SUPT3H: variants seen among roughly 807,000 people sequenced by gnomAD.
The protein encoded by SUPT3H is transcription initiation protein SPT3 homolog.
A neutral mutation model predicts 44.3 loss-of-function variants in SUPT3H; 44 were observed. That is an observed-to-expected ratio of 0.99 (90% CI 0.78 to 1.28). The LOEUF is 1.28. SUPT3H is among the 50% of genes most tolerant of loss of function. SUPT3H has a pLI of 0.00. For synonymous variants in SUPT3H, 124 were observed against 125.6 expected, an observed-to-expected ratio of 0.99 and a Z score of 0.09; for missense variants, 380 against 387.1, an observed-to-expected ratio of 0.98 and a Z score of 0.15.
chr6:45,276,576 T>C (rs796782796), intron 2 of SUPT3H, among the ~76,000 whole-genome samples: 1 of 152,200 alleles, frequency 6.6e-6, no homozygotes, highest in Non-Finnish European at 1.5e-5. Context: ...TCCCACTCAT[T>C]GAACCCTAGC....
chr6:45,128,918 T>C (rs1013068083), intron 2 of SUPT3H, among the ~76,000 whole-genome samples: 2 of 152,222 alleles, frequency 1.3e-5, no homozygotes, highest in South Asian at 4.1e-4. Flanking sequence ...ACTCCTGACC[T>C]CAAGTGATCC....
chr6:45,288,613 GTATATATATA>G lies in SUPT3H; in HGVS notation c.101+76578_101+76587del, dbSNP rs1360607816. 3.0e-4 allele frequency among the ~76,000 whole-genome samples: 18 copies of G among 59,094 alleles called. No homozygotes were observed. The East Asian group carries it at 4.2e-3, about 14-fold the overall frequency. 38.8% of individuals were successfully genotyped at this position (59,094 alleles called of 152,430 possible). A position where few individuals can be genotyped will look rare whatever the true frequency, so the allele number is the denominator to read the frequency against. On this transcript the variant is annotated intron_variant, in intron 2 of 10. Transcript: ENST00000371459. ...TATATATATGTGTATATATATATATGTATATATATATATATATATATAGCAAAGCATTTTT... is the reference window on the plus strand; with the variant it reads ...TATATATATGTGTATATATATATATGTATATATATATAGCAAAGCATTTTT...
At chr6:44,915,366 C>T (rs1398028775) in intron 10 of SUPT3H, among the ~76,000 whole-genome samples, 1 of 152,172 alleles carries the variant, frequency 6.6e-6, no homozygotes. Flanking sequence ...TCTCATCTGT[C>T]TTGAATAATT....
chr6:44,824,786 A>T (rs1767617801), downstream of SUPT3H, among the ~76,000 whole-genome samples: 1 of 152,178 alleles, frequency 6.6e-6, no homozygotes, highest in Non-Finnish European at 1.5e-5. Context: ...TGGAATGGAA[A>T]ACTATCCTTT....
At chr6:44,863,759 TCA>T (rs201223644) in intron 10 of SUPT3H, among the ~76,000 whole-genome samples, 6,402 of 152,150 alleles carry the variant, frequency 0.042, 171 homozygotes, top group Admixed American at 0.079. Flanking sequence ...TTTAATGGAC[TCA>T]CAGTTCCACG....
intron 10 of SUPT3H, among the ~76,000 whole-genome samples, chr6:44,930,068 C>T (rs957556345): frequency 3.3e-5 from 5 of 151,740 alleles, no homozygotes; most frequent in African/African-American, 1.2e-4. Context: ...GCCAACATGG[C>T]GAAGTTCTAC....
intron 10 of SUPT3H, among the ~76,000 whole-genome samples, chr6:44,874,821 A>ACC (rs1363032806): frequency 3.6e-5 from 5 of 140,786 alleles, no homozygotes; most frequent in Admixed American, 1.4e-4. Context: ...TACAAAATCA[A>ACC]TGTACAAAAA....
chr6:45,348,819 T>C (rs1791447995), intron 2 of SUPT3H, among the ~76,000 whole-genome samples: 1 of 152,186 alleles, frequency 6.6e-6, no homozygotes, highest in Non-Finnish European at 1.5e-5. Context: ...GTAACCAAAA[T>C]TCCTATCGAT....
chr6:45,098,654 T>C (rs1230491284), intron 3 of SUPT3H: 1 of 329,906 alleles, frequency 3.0e-6, no homozygotes, highest in Non-Finnish European at 5.9e-6. Flanking sequence ...GCATCTAAAG[T>C]GGGCTTCAAT....
Position 44,933,767 on chromosome 6 carries a change from T to G in SUPT3H, c.802-1004A>C, listed in dbSNP as rs902079091. Among the ~76,000 whole-genome samples, 14 of 152,234 alleles carry G rather than the reference T, an allele frequency of 9.2e-5. No homozygotes were observed. In the East Asian group the frequency reaches 1.9e-3, roughly 21 times the overall value. The stretch of plus-strand genomic sequence containing the variant: ...CAAGCGATCCTCTGGCCTCAGCCTC[T>G]GAAGTAGCTGAGACTAAAGGCAAGT... On this transcript the variant is annotated intron_variant, in intron 9 of 10. Transcript: ENST00000371459.
intron 3 of SUPT3H, among the ~76,000 whole-genome samples, chr6:45,054,096 A>G (rs1790751608): frequency 6.6e-6 from 1 of 152,066 alleles, no homozygotes; most frequent in South Asian, 2.1e-4. Context: ...CATAAAATTT[A>G]TATTAAATAA....
rs1785268641 is a variant in SUPT3H, at chr6:45,022,394, A to G, written c.187-1762T>C. On this transcript the variant is annotated intron_variant, in intron 3 of 10. Transcript: ENST00000371459. ...ATAATAGAAAATAAAGACACAGAAG[A>G]GTTGAACATTTGGAATCACTGTTTT... 4.7e-5 allele frequency among the ~76,000 whole-genome samples: 7 copies of G among 148,126 alleles called. No individual in the cohort carries two copies. The South Asian group carries it at 1.5e-3, about 32-fold the overall frequency.
At chr6:45,252,133 T>C (rs1471195870) in intron 2 of SUPT3H, among the ~76,000 whole-genome samples, 1 of 152,180 alleles carries the variant, frequency 6.6e-6, no homozygotes, top group Non-Finnish European at 1.5e-5. Flanking sequence ...GATTCTCAAC[T>C]ATGTTCTACA....
intron 6 of SUPT3H, among the ~76,000 whole-genome samples, chr6:44,975,869 T>C (rs1334068131): frequency 6.6e-6 from 1 of 152,180 alleles, no homozygotes; most frequent in East Asian, 1.9e-4. Context: ...AGCAAACTCA[T>C]GCTGAGTATG....
chr6:44,998,311 C>G (rs190809189), intron 6 of SUPT3H, among the ~76,000 whole-genome samples: 67 of 151,936 alleles, frequency 4.4e-4, no homozygotes, highest in Non-Finnish European at 7.5e-4. Flanking sequence ...ACTGATTTAT[C>G]CAGGTTTAGT....
intron 6 of SUPT3H, among the ~76,000 whole-genome samples, chr6:44,989,278 C>G (rs1780273249): frequency 6.6e-6 from 1 of 152,098 alleles, no homozygotes; most frequent in African/African-American, 2.4e-5. Context: ...GCATAATATA[C>G]TCTAGGTTCA....
intron 2 of SUPT3H, among the ~76,000 whole-genome samples, chr6:45,206,088 A>T (rs1434115596): frequency 1.3e-5 from 2 of 152,242 alleles, no homozygotes; most frequent in Admixed American, 6.5e-5. Flanking sequence ...TGTAAGACTC[A>T]TTCATTTAAC....
At chr6:44,923,023 G>A (rs508494) in intron 10 of SUPT3H, among the ~76,000 whole-genome samples, 144,999 of 152,166 alleles carry the variant, frequency 0.95, 69,158 homozygotes, top group East Asian at 1. Context: ...CCCAGAAACT[G>A]TAACAACATT....
At position 45,271,725 on chromosome 6, in the gene SUPT3H, C is replaced by G. The variant is rs114098851; in HGVS notation, c.101+93476G>C. Among the ~76,000 whole-genome samples the G allele has an allele frequency of 2.6e-3, 400 of 152,294 alleles. 4 individuals are homozygous for G. Among genetic ancestry groups the G allele is most frequent in the African/African-American group, 8.2e-3 (342 of 41,570 alleles). ...GGAGCTGTGAGAAGAGGGCCACCAT[C>G]CTCTAGACCCCAGTATGACAGATGC... is the stretch of plus-strand genomic sequence containing the variant. On this transcript the variant is annotated intron_variant, in intron 2 of 10. Transcript: ENST00000371459.
Sources: gnomAD v4.1 joint callset for allele counts (sites outside exome capture counted in the v4.1 genomes callset) on GRCh38, gnomAD v4.1.1 for gene constraint, MANE v1.5 for transcripts, NCBI Gene and HGNC (gene_info 2026-07-23, HGNC 2026-07-21) for gene names.